Variants in FIBP observed in about 807,000 individuals in gnomAD.
FIBP encodes the protein FGF1 intracellular binding protein.
FIBP carries 29 observed loss-of-function variants against 40.5 expected under a neutral mutation model. The ratio of observed to expected loss-of-function variants is 0.72; its 90% CI spans 0.53 to 0.98. FIBP has a LOEUF of 0.98. Ranked by LOEUF, FIBP falls within the 50% of genes least tolerant of loss-of-function variation. The pLI, the probability that FIBP is intolerant of heterozygous loss-of-function variation, is 0.00. For synonymous variants in FIBP, 215 were observed against 191.1 expected, an observed-to-expected ratio of 1.13 and a Z score of -1.03; for missense variants, 411 against 470.2, an observed-to-expected ratio of 0.87 and a Z score of 1.16.
chr11:65,887,203 T>C lies in FIBP; in HGVS notation c.411+397A>G, dbSNP rs568729234. On this transcript the variant is annotated intron_variant, in intron 3 of 9. Coordinates refer to ENST00000357519, the MANE Select transcript of FIBP (RefSeq NM_004214.5). Reference sequence around the variant, plus strand: ...GGCTCACGCCTGTAATGTCAGCACTTTGGGAGGCCGAGGCGGATGATCACT... The same window carrying C: ...GGCTCACGCCTGTAATGTCAGCACTCTGGGAGGCCGAGGCGGATGATCACT... 56 of 349,136 alleles carry C rather than the reference T, an allele frequency of 1.6e-4. 2 individuals are homozygous for C. Among genetic ancestry groups the C allele is most frequent in the South Asian group, 1.2e-3 (54 of 44,384 alleles). The allele number at this position is 349,136 out of a possible 1,614,324, so 21.6% of individuals were successfully genotyped here.
Position 65,887,621 on chromosome 11 carries a change from G to A in FIBP, c.390C>T (p.Thr130=). ...LDDISTKTGI[T]LKSCRRQFDN... is the part of the protein sequence containing the mutation. Reference sequence around the variant, plus strand: ...ATACCTGTCTCCGGCAGCTCTTGAGGGTGATGCCTGTTTTGGTGCTGATGT... The same window carrying A: ...ATACCTGTCTCCGGCAGCTCTTGAGAGTGATGCCTGTTTTGGTGCTGATGT... The change falls in exon 3 of 10, where the codon ACC becomes ACT. Residue 130 remains threonine, a synonymous_variant. Transcript: ENST00000357519. 1.2e-6 allele frequency: 2 copies of A among 1,614,074 alleles called. No individual in the cohort carries two copies. Among genetic ancestry groups the A allele is most frequent in the South Asian group, 1.1e-5 (1 of 91,082 alleles).
At position 65,884,607 on chromosome 11, in the gene FIBP, T is replaced by G; in HGVS notation, c.869A>C (p.Lys290Thr). 1 of 1,614,102 alleles carries G rather than the reference T, an allele frequency of 6.2e-7. No homozygotes were observed. ...GTCCACAAACAGGTCTCTGACATCT[T>G]TATTGTGGGTCAGCTTGGCGGCCAC... ...VNVAAKLTHN[K>T]DVRDLFVDLV... Residue 290 changes from lysine (K) to threonine (T), a missense_variant, in exon 8 of 10, where the codon AAA (lysine) becomes ACA (threonine). Physicochemically the swap from Lys to Thr is moderately conservative, Grantham distance 78 (BLOSUM62 -1). Coordinates refer to ENST00000357519, the MANE Select transcript of FIBP (RefSeq NM_004214.5).
rs1037931969 is a variant in FIBP, at chr11:65,884,301, A to T, written c.1004+91T>A. ...TTTGGTCCCACCCCCAGGGTAGCAG[A>T]ATGGGGAACCTTGAGTCTGCAGGAG... On this transcript the variant is annotated intron_variant, in intron 9 of 9. Transcript: ENST00000357519. The T allele has an allele frequency of 2.5e-6, 3 of 1,205,004 alleles. No individual in the cohort carries two copies. In the Admixed American group the frequency reaches 5.8e-5, roughly 23 times the overall value. The allele number at this position is 1,205,004 out of a possible 1,614,324, so 74.6% of individuals were successfully genotyped here.
intron 3 of FIBP, chr11:65,887,391 A>G (rs1860263403): frequency 1.7e-6 from 1 of 588,680 alleles, no homozygotes; most frequent in Non-Finnish European, 3.0e-6. Flanking sequence ...GGTTGCAGTG[A>G]GCTGAGGTCG....
Position 65,884,393 on chromosome 11 carries a change from G to A in FIBP, c.1003C>T (p.Arg335Ter), listed in dbSNP as rs551274979. 10 of 1,613,468 alleles carry A rather than the reference G, an allele frequency of 6.2e-6. No individual in the cohort carries two copies. The highest frequency in any genetic ancestry group is 4.5e-5 in the East Asian group (2 of 44,854). Residue 335 changes from arginine to a stop codon, truncating the protein, a stop_gained and splice_region_variant, in exon 9 of 10, where the codon CGA becomes TGA. Coordinates refer to ENST00000357519, the MANE Select transcript of FIBP (RefSeq NM_004214.5). LOFTEE classifies it high-confidence loss of function. ...SASVHSLDGF[R>*]HQALWDRYMG... ...GGACAGGAGGACAGGGCTGCTCACC[G>A]GAAGCCATCGAGGGAGTGGACAGAC...
intron 3 of FIBP, 110 bp downstream of exon 3, chr11:65,887,490 G>T (rs1860267329): frequency 2.6e-5 from 27 of 1,056,738 alleles, no homozygotes; most frequent in Non-Finnish European, 3.6e-5. Context: ...GGGAGGAGAA[G>T]ACTAGGTATG....
Position 65,884,994 on chromosome 11 carries a change from C to T in FIBP, c.760G>A (p.Val254Met). ...KDLLDLHKSL[V>M]CTALRGKLGV... is the part of the protein sequence containing the mutation. Reference sequence around the variant, plus strand: ...AGCTTTCCCCGGAGAGCAGTGCACACCAGGCTGCAGAGAGACAGGGTCACG... The same window carrying T: ...AGCTTTCCCCGGAGAGCAGTGCACATCAGGCTGCAGAGAGACAGGGTCACG... The change falls in exon 7 of 10, where the codon GTG (valine) becomes ATG (methionine). Residue 254 changes from valine (V) to methionine (M), a missense_variant. Transcript: ENST00000357519. The T allele has an allele frequency of 6.2e-7, 1 of 1,614,196 alleles. No homozygotes were observed. Among genetic ancestry groups the T allele is most frequent in the South Asian group, 1.1e-5 (1 of 91,086 alleles).
chr11:65,884,061 G>A lies in FIBP; in HGVS notation c.1005-18C>T, dbSNP rs758150067. The A allele has an allele frequency of 6.2e-7, 1 of 1,607,942 alleles. No individual in the cohort carries two copies. The highest frequency in any genetic ancestry group is 8.5e-7 in the Non-Finnish European group (1 of 1,175,396). ...CCTGGTGTCTGTAAGAACATGAACAGTGACAGCTGAGTTTTCACAACACTC... is the reference window on the plus strand; with the variant it reads ...CCTGGTGTCTGTAAGAACATGAACAATGACAGCTGAGTTTTCACAACACTC... On this transcript the variant is annotated intron_variant, in intron 9 of 9. Transcript: ENST00000357519.
At position 65,885,578 on chromosome 11, in the gene FIBP, CAA is replaced by C. The variant is rs1565281237; in HGVS notation, c.596_597del (p.Phe199CysfsTer5). The part of the protein sequence containing the change: ...KKLQYLSFGD[F>X]AFCAELMIQN... ...TGGATCATGAGCTCAGCGCAGAAGG[CAA>C]AGTCACCGAAGCTCAGATACTGCAG... On this transcript the variant is annotated frameshift_variant, in exon 5 of 10. Transcript: ENST00000357519. LOFTEE classifies it high-confidence loss of function. The C allele has an allele frequency of 6.8e-6, 11 of 1,614,072 alleles. No individual in the cohort carries two copies. The highest frequency in any genetic ancestry group is 1.7e-5 in the Admixed American group (1 of 59,998).
rs778589332 is a variant in FIBP, at chr11:65,888,016, G to T, written c.202C>A (p.Arg68=). 6.2e-7 allele frequency: 1 copy of T among 1,613,118 alleles called. No homozygotes were observed. The highest frequency in any genetic ancestry group is 8.5e-7 in the Non-Finnish European group (1 of 1,179,764). ...AGCTTGGGCGGCGCATGCAGCAGCC[G>T]CTCGAGCATGTGGAAGGTGCGGTAA... is the stretch of plus-strand genomic sequence containing the variant. ...DHYRTFHMLE[R]LLHAPPKLLH... Residue 68 remains arginine, a synonymous_variant, in exon 2 of 10, where the codon CGG becomes AGG. Transcript: ENST00000357519.
In FIBP at chr11:65,885,676, G is replaced by C. The variant is rs111732020; in HGVS notation, c.513-13C>G. On this transcript the variant is annotated splice_polypyrimidine_tract_variant and intron_variant, in intron 4 of 9. Transcript: ENST00000357519. ...GGCTGCATAGTCCCTGCACAGACGA[G>C]AGGAGGGTCCTCTTAGGGCTTGAAA... The C allele has an allele frequency of 6.1e-4, 968 of 1,597,650 alleles. 10 individuals carry two copies. In the African/African-American group the frequency reaches 0.011, roughly 18 times the overall value.
rs944695642 is a variant in FIBP, at chr11:65,884,883, C to A, written c.819+52G>T. 32 of 1,601,762 alleles carry A rather than the reference C, an allele frequency of 2.0e-5. No individual in the cohort carries two copies. The African/African-American group carries it at 2.8e-4, about 14-fold the overall frequency. Reference sequence around the variant, plus strand: ...GGGCAGAGCTGCCCGGTAGGGGTGGCGAACTGGAGGCTGAAGATGCCAAGG... The same window carrying A: ...GGGCAGAGCTGCCCGGTAGGGGTGGAGAACTGGAGGCTGAAGATGCCAAGG... On this transcript the variant is annotated intron_variant, in intron 7 of 9. Transcript: ENST00000357519.
chr11:65,887,817 C>T (rs2134777374), intron 2 of FIBP, 91 bp from the exon 3 acceptor site: 1 of 1,594,268 alleles, frequency 6.3e-7, no homozygotes. Flanking sequence ...TGACCCCTTC[C>T]ACTCTCAACT....
chr11:65,887,248 C>G, intron 3 of FIBP: 2 of 360,396 alleles, frequency 5.5e-6, no homozygotes, highest in South Asian at 4.3e-5. Context: ...GAGTTCAAGA[C>G]AAGCCTGGCC....
intron 3 of FIBP, chr11:65,887,235 C>T (rs553491975): frequency 5.6e-5 from 20 of 357,404 alleles, no homozygotes; most frequent in South Asian, 3.9e-4. Context: ...CACTTGAGGC[C>T]AGGAGTTCAA....
In FIBP at chr11:65,886,424, T is replaced by G; in HGVS notation, c.412-2A>C. 1 of 1,606,952 alleles carries G rather than the reference T, an allele frequency of 6.2e-7. No individual in the cohort carries two copies. Among genetic ancestry groups the G allele is most frequent in the Non-Finnish European group, 8.5e-7 (1 of 1,173,514 alleles). On this transcript the variant is annotated splice_acceptor_variant, in intron 3 of 9. Transcript: ENST00000357519. LOFTEE classifies it high-confidence loss of function. ...GAAGACCCGTTTAAAGTTGTCAAAC[T>G]GCAGGGCAGTTAGGGTAGAAGAGAG...
In FIBP at chr11:65,885,981, T is replaced by C. The variant is rs1329971471; in HGVS notation, c.513-318A>G. The stretch of plus-strand genomic sequence containing the variant: ...ACAGCCCAGCTGGAAATCGCTGGAC[T>C]GTGCTTTGAATCCAGGTCAGTCTGG... On this transcript the variant is annotated intron_variant, in intron 4 of 9. Coordinates refer to ENST00000357519, the MANE Select transcript of FIBP (RefSeq NM_004214.5). The C allele has an allele frequency of 1.4e-5, 6 of 440,900 alleles. No homozygotes were observed. The Admixed American group carries it at 1.9e-4, about 14-fold the overall frequency. 27.3% of individuals were successfully genotyped at this position (440,900 alleles called of 1,614,324 possible). A position where few individuals can be genotyped will look rare whatever the true frequency, so the allele number is the denominator to read the frequency against.
chr11:65,887,356 G>C (rs1425908078), intron 3 of FIBP: 2 of 518,146 alleles, frequency 3.9e-6, no homozygotes, highest in South Asian at 4.0e-5. Context: ...TGAGGCACAA[G>C]AATTACCTGA....
Position 65,883,957 on chromosome 11 carries a change from G to T in FIBP, c.*17C>A. 2 of 1,612,266 alleles carry T rather than the reference G, an allele frequency of 1.2e-6. No homozygotes were observed. Among genetic ancestry groups the T allele is most frequent in the Non-Finnish European group, 1.7e-6 (2 of 1,178,592 alleles). On this transcript the variant is annotated 3_prime_UTR_variant, in exon 10 of 10. Transcript: ENST00000357519. Reference sequence around the variant, plus strand: ...AGCAACTTTATTGTCAGCGTGGGCGGAGCGTTGGGAGGCACCTCAGTCATG... The same window carrying T: ...AGCAACTTTATTGTCAGCGTGGGCGTAGCGTTGGGAGGCACCTCAGTCATG...
Sources: allele counts gnomAD v4.1 joint callset, GRCh38; gene constraint gnomAD v4.1.1; transcripts MANE v1.5; gene names NCBI Gene and HGNC (gene_info 2026-07-23, HGNC 2026-07-21).